TRIM60: variants seen among roughly 807,000 people sequenced by gnomAD.
TRIM60 encodes tripartite motif-containing protein 60.
For synonymous variants in TRIM60, 189 were observed against 195.2 expected, an observed-to-expected ratio of 0.97 and a Z score of 0.27; for missense variants, 524 against 540.8, an observed-to-expected ratio of 0.97 and a Z score of 0.31.
rs745660493 is a variant in TRIM60 at position 165,041,034 on chromosome 4, GAAA to G, written c.967_969del (p.Lys323del). 3.7e-6 allele frequency: 6 copies of G among 1,613,844 alleles called. No individual in the cohort carries two copies. In the East Asian group the frequency reaches 1.3e-4, roughly 36 times the overall value. On this transcript the variant is annotated inframe_deletion, in exon 3 of 3. Transcript: ENST00000512596. ...GATAGAAAAGCTGTGCGATATGAAA[GAAA>G]AAAACGAAACATTTGTTATGACCCA... is the stretch of plus-strand genomic sequence containing the variant.
intron 1 of TRIM60, among the ~76,000 whole-genome samples, chr4:165,038,287 A>G (rs1733668416): frequency 6.6e-6 from 1 of 152,188 alleles, no homozygotes. Flanking sequence ...TAAATAGTAC[A>G]TACTCCATTT....
At chr4:165,035,673 T>C (rs558411630) in intron 1 of TRIM60, among the ~76,000 whole-genome samples, 3 of 152,288 alleles carry the variant, frequency 2.0e-5, no homozygotes, top group African/African-American at 4.8e-5. Context: ...ATAAACCTCA[T>C]TGTTTGTATA....
intron 1 of TRIM60, among the ~76,000 whole-genome samples, chr4:165,035,621 T>C (rs1733604599): frequency 6.6e-6 from 1 of 152,224 alleles, no homozygotes; most frequent in Non-Finnish European, 1.5e-5. Context: ...TCCTAGCTTA[T>C]ATCAAAATTC....
At chr4:165,039,781 G>A (rs531059513) in intron 2 of TRIM60, among the ~76,000 whole-genome samples, 55 of 142,862 alleles carry the variant, frequency 3.8e-4, no homozygotes, top group South Asian at 3.2e-3. Flanking sequence ...GTCCGGCCTG[G>A]GCGACAGAGC....
At chr4:165,038,618 G>A (rs1259039710) in intron 1 of TRIM60, among the ~76,000 whole-genome samples, 1 of 145,924 alleles carries the variant, frequency 6.9e-6, no homozygotes, top group Non-Finnish European at 1.5e-5. Flanking sequence ...TCTAGCTTGG[G>A]TGACACAGAA....
chr4:165,034,638 G>A (rs1438321758), intron 1 of TRIM60, among the ~76,000 whole-genome samples: 1 of 152,188 alleles, frequency 6.6e-6, no homozygotes, highest in Non-Finnish European at 1.5e-5. Context: ...CTTTTGCAAT[G>A]ACATTGTTAT....
chr4:165,035,733 T>C (rs1733607800), intron 1 of TRIM60, among the ~76,000 whole-genome samples: 1 of 151,936 alleles, frequency 6.6e-6, no homozygotes, highest in African/African-American at 2.4e-5. Context: ...TCTTTCTTTT[T>C]TTTTTTTAGA....
Position 165,040,536 on chromosome 4 carries a change from T to C in TRIM60, c.464T>C (p.Ile155Thr). 3 of 1,614,008 alleles carry C rather than the reference T, an allele frequency of 1.9e-6. No individual in the cohort carries two copies. The highest frequency in any genetic ancestry group is 1.7e-6 in the Non-Finnish European group (2 of 1,180,006). Residue 155 changes from isoleucine (I) to threonine (T), a missense_variant, in exon 3 of 3, where the codon ATA becomes ACA. Coordinates refer to ENST00000512596, the MANE Select transcript of TRIM60 (RefSeq NM_152620.3). Reference protein sequence around the residue: ...EGSLEPLRNNIERVEKVIILQ... With the variant: ...EGSLEPLRNNTERVEKVIILQ... ...AGCCTTGAGCCCTTGAGGAATAATA[T>C]AGAACGAGTTGAAAAAGTGATAATT...
rs1313568785 is a variant in TRIM60, at chr4:165,040,109, G to C, written c.37G>C (p.Glu13Gln). ...FVTALVNLQE[E>Q]SSCPICLEYL... ...GACAGCCCTGGTGAACCTCCAAGAG[G>C]AGTCTAGCTGTCCCATCTGTCTGGA... The change falls in exon 3 of 3, where the codon GAG becomes CAG. Residue 13 changes from glutamate (E) to glutamine (Q), a missense_variant. Glu to Gln is a conservative substitution (Grantham distance 29). Coordinates refer to ENST00000512596, the MANE Select transcript of TRIM60 (RefSeq NM_152620.3). 6.2e-7 allele frequency: 1 copy of C among 1,613,150 alleles called. No individual in the cohort carries two copies. The highest frequency in any genetic ancestry group is 1.3e-5 in the African/African-American group (1 of 74,890).
chr4:165,034,885 C>G (rs1185441336), intron 1 of TRIM60, among the ~76,000 whole-genome samples: 5 of 152,094 alleles, frequency 3.3e-5, no homozygotes, highest in Admixed American at 3.3e-4. Flanking sequence ...TAGTACTATA[C>G]TATACATACT....
chr4:165,035,863 C>T (rs1733610068), intron 1 of TRIM60, among the ~76,000 whole-genome samples: 1 of 152,072 alleles, frequency 6.6e-6, no homozygotes, highest in Non-Finnish European at 1.5e-5. Context: ...GCTGAGATTA[C>T]AGGCATGTGC....
chr4:165,040,845 A>G lies in TRIM60; in HGVS notation c.773A>G (p.Lys258Arg), dbSNP rs762955744. 1 of 1,613,920 alleles carries G rather than the reference A, an allele frequency of 6.2e-7. No homozygotes were observed. The highest frequency in any genetic ancestry group is 8.5e-7 in the Non-Finnish European group (1 of 1,179,968). Residue 258 changes from lysine (K) to arginine (R), a missense_variant, in exon 3 of 3, where the codon AAG becomes AGG. Lys to Arg is a conservative substitution (Grantham distance 26). Transcript: ENST00000512596. ...ACACAAGCTAAGAGTATGCACCACA[A>G]GTATCAAAACCTAAAATGCCCTGAA... ...LLTQAKSMHH[K>R]YQNLKCPELF... is the part of the protein sequence containing the mutation.
At position 165,041,545 on chromosome 4, in the gene TRIM60, A is replaced by G. The variant is rs1194561082; in HGVS notation, c.*57A>G. 7.9e-7 allele frequency: 1 copy of G among 1,268,472 alleles called. No homozygotes were observed. The highest frequency in any genetic ancestry group is 1.1e-6 in the Non-Finnish European group (1 of 929,254). 78.6% of individuals were successfully genotyped at this position (1,268,472 alleles called of 1,614,324 possible). On this transcript the variant is annotated 3_prime_UTR_variant, in exon 3 of 3. Coordinates refer to ENST00000512596, the MANE Select transcript of TRIM60 (RefSeq NM_152620.3). ...GTAGGTAACTTAGCCAGTAAATTTA[A>G]TCTCATTTCTGGACTCTTTAAGTTT...
At chr4:165,035,251 G>A (rs13110286) in intron 1 of TRIM60, among the ~76,000 whole-genome samples, 25,111 of 152,134 alleles carry the variant, frequency 0.17, 3,096 homozygotes, top group East Asian at 0.64. Context: ...ATTTTGTAGA[G>A]ATGAGGTCTT....
intron 1 of TRIM60, among the ~76,000 whole-genome samples, chr4:165,037,440 C>A (rs1733645221): frequency 6.6e-6 from 1 of 151,932 alleles, no homozygotes; most frequent in Non-Finnish European, 1.5e-5. Context: ...TCTCCTGCCT[C>A]AGTCTCCTGA....
chr4:165,033,219 T>A (rs1026262450), intron 1 of TRIM60, among the ~76,000 whole-genome samples: 6 of 151,994 alleles, frequency 3.9e-5, no homozygotes, highest in Admixed American at 2.6e-4. Flanking sequence ...TAATAGAGGT[T>A]GAATTTTTCT....
intron 1 of TRIM60, among the ~76,000 whole-genome samples, chr4:165,038,333 CT>C (rs965353281): frequency 2.0e-5 from 3 of 151,978 alleles, no homozygotes; most frequent in East Asian, 3.9e-4. Context: ...TTTATTGCAA[CT>C]TTTTTTTCCC....
chr4:165,035,597 T>G (rs967916920), intron 1 of TRIM60, among the ~76,000 whole-genome samples: 7 of 152,344 alleles, frequency 4.6e-5, no homozygotes, highest in Admixed American at 4.6e-4. Context: ...TGGGAAGAGA[T>G]CATGCAGGCT....
chr4:165,037,424 A>G (rs981830843), intron 1 of TRIM60, among the ~76,000 whole-genome samples: 3 of 151,736 alleles, frequency 2.0e-5, no homozygotes, highest in African/African-American at 7.3e-5. Context: ...CCCGGGTTCA[A>G]GCAATTCTCC....
Sources: allele counts gnomAD v4.1 joint callset (sites outside exome capture counted in the v4.1 genomes callset), GRCh38; gene constraint gnomAD v4.1.1; transcripts MANE v1.5; gene names NCBI Gene and HGNC (gene_info 2026-07-23, HGNC 2026-07-21).